Variants in SSU72 observed in about 807,000 individuals in gnomAD.
SSU72 encodes the protein RNA polymerase II subunit A C-terminal domain phosphatase SSU72.
In SSU72, 12 loss-of-function variants were observed where a neutral mutation model predicts 22.7. The observed-to-expected ratio is 0.53, with a 90% CI of 0.34 to 0.86. The LOEUF (loss-of-function observed/expected upper bound fraction) is 0.86. SSU72 is among the 40% of genes least tolerant of loss of function. The pLI, the probability that SSU72 is intolerant of heterozygous loss-of-function variation, is 0.02. For missense variants in SSU72, 151 were observed against 249.8 expected (o/e 0.60, Z 2.67); for synonymous variants, 116 against 98.3 (o/e 1.18, Z -1.06).
intron 2 of SSU72, chr1:1,546,347 C>T (rs932783134): frequency 5.3e-5 from 8 of 152,248 alleles, no homozygotes; most frequent in African/African-American, 1.4e-4. Flanking sequence ...CTGTCAGCAG[C>T]GTGGAAGTCA....
At chr1:1,551,957 T>C (rs1642460846) in intron 2 of SSU72, among the ~76,000 whole-genome samples, 1 of 151,934 alleles carries the variant, frequency 6.6e-6, no homozygotes, top group African/African-American at 2.4e-5. Context: ...GCCCCTAAAC[T>C]CATCAGGAAC....
intron 1 of SSU72, among the ~76,000 whole-genome samples, chr1:1,567,431 C>T (rs571950593): frequency 2.6e-4 from 40 of 152,256 alleles, no homozygotes; most frequent in African/African-American, 9.1e-4. Flanking sequence ...TCACGGCACC[C>T]GGACTGTGAA....
Position 1,564,564 on chromosome 1 carries a change from G to A in SSU72, c.224+209C>T, listed in dbSNP as rs144526445. ...GGTGAACCCCACACCGTGTCTGTGC[G>A]CCTCACCACGCCTACTGCCATGGGT... On this transcript the variant is annotated intron_variant, in intron 2 of 4. Transcript: ENST00000291386. The A allele has an allele frequency of 4.1e-4, 647 of 1,583,194 alleles. 3 individuals carry two copies. In the African/African-American group the frequency reaches 6.1e-3, roughly 15 times the overall value.
chr1:1,570,963 T>A (rs1280390883), intron 1 of SSU72, among the ~76,000 whole-genome samples: 16 of 127,380 alleles, frequency 1.3e-4, no homozygotes, highest in African/African-American at 4.3e-4. Flanking sequence ...TACAAAAAAT[T>A]TGGCCGGGCG....
Position 1,574,563 on chromosome 1 carries a change from C to T in SSU72, c.-6G>A. 3.8e-6 allele frequency: 6 copies of T among 1,583,284 alleles called. No homozygotes were observed. The highest frequency in any genetic ancestry group is 5.1e-6 in the Non-Finnish European group (6 of 1,167,946). On this transcript the variant is annotated 5_prime_UTR_variant, in exon 1 of 5. Transcript: ENST00000291386. Reference sequence around the variant, plus strand: ...CGCAGCGGGGACGACGGCATGGCGGCGGCCGCAAATCCCGCGGCTCTCCCG... The same window carrying T: ...CGCAGCGGGGACGACGGCATGGCGGTGGCCGCAAATCCCGCGGCTCTCCCG...
chr1:1,555,498 T>C (rs1642510713), intron 2 of SSU72, among the ~76,000 whole-genome samples: 1 of 151,478 alleles, frequency 6.6e-6, no homozygotes, highest in African/African-American at 2.4e-5. Flanking sequence ...CTGGAGGGAG[T>C]GTCGTGCATG....
chr1:1,555,335 G>A (rs1642509424), intron 2 of SSU72, among the ~76,000 whole-genome samples: 1 of 152,260 alleles, frequency 6.6e-6, no homozygotes, highest in South Asian at 2.1e-4. Context: ...TGGAGCTCCT[G>A]GGAGCCTCGC....
At chr1:1,547,681 G>T (rs1216757584) in intron 2 of SSU72, among the ~76,000 whole-genome samples, 1 of 152,248 alleles carries the variant, frequency 6.6e-6, no homozygotes, top group East Asian at 1.9e-4. Flanking sequence ...GAGAGGACAG[G>T]AGCCGCTGGC....
At chr1:1,558,204 T>TA (rs3073299) in intron 2 of SSU72, among the ~76,000 whole-genome samples, 84 of 126,190 alleles carry the variant, frequency 6.7e-4, no homozygotes, top group East Asian at 7.2e-4. Context: ...CTGTCTCAAT[T>TA]AAAAAAAAAA....
At chr1:1,544,455 T>C (rs1642367649) in intron 3 of SSU72, among the ~76,000 whole-genome samples, 1 of 151,846 alleles carries the variant, frequency 6.6e-6, no homozygotes, top group African/African-American at 2.4e-5. Context: ...CCGTCTCTAC[T>C]AAAAATACAA....
chr1:1,559,808 C>G (rs1032814083), intron 2 of SSU72, among the ~76,000 whole-genome samples: 1 of 152,088 alleles, frequency 6.6e-6, no homozygotes, highest in Non-Finnish European at 1.5e-5. Flanking sequence ...CTCACGGCAA[C>G]CTCCATCTCC....
At chr1:1,563,527 G>A (rs1036290932) in intron 2 of SSU72, 1 of 109,062 alleles carries the variant, frequency 9.2e-6, no homozygotes, top group Admixed American at 1.1e-4. Flanking sequence ...GTGAGACTCT[G>A]ACTCCATCTC....
chr1:1,548,508 C>G (rs1465230663), intron 2 of SSU72, among the ~76,000 whole-genome samples: 2 of 148,086 alleles, frequency 1.4e-5, no homozygotes, highest in Admixed American at 6.8e-5. Flanking sequence ...GAGCTGAGAT[C>G]ATGCCACTGC....
At chr1:1,547,041 G>GA (rs556690908) in intron 2 of SSU72, among the ~76,000 whole-genome samples, 6 of 151,716 alleles carry the variant, frequency 4.0e-5, no homozygotes, top group Admixed American at 2.6e-4. Flanking sequence ...AAAAAGAAAA[G>GA]AAAAAAAAGA....
intron 2 of SSU72, among the ~76,000 whole-genome samples, chr1:1,548,108 G>A (rs1642414246): frequency 6.6e-6 from 1 of 152,218 alleles, no homozygotes; most frequent in Non-Finnish European, 1.5e-5. Context: ...GCCATCCATA[G>A]AATCGACTGC....
chr1:1,564,623 G>T (rs759161135), intron 2 of SSU72, 150 bp downstream of exon 2: 1 of 1,613,714 alleles, frequency 6.2e-7, no homozygotes, highest in South Asian at 1.1e-5. Context: ...GATCCGACGT[G>T]CACCAGGAAT....
chr1:1,573,375 A>G (rs1440557249), intron 1 of SSU72, among the ~76,000 whole-genome samples: 1 of 148,212 alleles, frequency 6.7e-6, no homozygotes, highest in Non-Finnish European at 1.5e-5. Flanking sequence ...AGTTGCAGTG[A>G]GCCGAGATCG....
chr1:1,569,327 G>A (rs966285919), intron 1 of SSU72, among the ~76,000 whole-genome samples: 6 of 152,132 alleles, frequency 3.9e-5, no homozygotes, highest in South Asian at 4.1e-4. Flanking sequence ...GTCTTCTGGC[G>A]CTGCCCTGAA....
chr1:1,546,706 ACACACCTGTAATCTCAGCTACAGCTACT>A, intron 2 of SSU72, among the ~76,000 whole-genome samples: 1 of 152,016 alleles, frequency 6.6e-6, no homozygotes, highest in Admixed American at 6.6e-5. Context: ...GTGGGGCGGC[ACACACCTGTAATCTCAGCTACAGCTACT>A]CAGGAGGCTG....
Sources: gnomAD v4.1 joint callset for allele counts (sites outside exome capture counted in the v4.1 genomes callset) on GRCh38, gnomAD v4.1.1 for gene constraint, MANE v1.5 for transcripts, NCBI Gene and HGNC (gene_info 2026-07-23, HGNC 2026-07-21) for gene names.